TACC2: variants seen among roughly 807,000 people sequenced by gnomAD.
The protein encoded by TACC2 is transforming acidic coiled-coil containing protein 2.
A neutral mutation model predicts 227.3 loss-of-function variants in TACC2; 137 were observed. That is an observed-to-expected ratio of 0.60 (90% CI 0.52 to 0.69). The LOEUF is 0.69. Among genes scored for constraint, TACC2 ranks in the 30% least tolerant of loss-of-function variants. TACC2 has a pLI of 0.00. For synonymous variants in TACC2, 1,523 were observed against 1,487.5 expected, an observed-to-expected ratio of 1.02 and a Z score of -0.55; for missense variants, 3,470 against 3,694.4, an observed-to-expected ratio of 0.94 and a Z score of 1.57.
At chr10:122,197,777 G>GC (rs1388493103) in intron 8 of TACC2, among the ~76,000 whole-genome samples, 3 of 152,204 alleles carry the variant, frequency 2.0e-5, no homozygotes, top group Non-Finnish European at 4.4e-5. Context: ...TCTGCTGAAA[G>GC]CCCCCCTAGC....
intron 5 of TACC2, among the ~76,000 whole-genome samples, chr10:122,099,953 G>A (rs115576575): frequency 6.6e-6 from 1 of 152,160 alleles, no homozygotes; most frequent in Admixed American, 6.5e-5. Flanking sequence ...CTCTCCTGGG[G>A]TGACACTTTT....
intron 5 of TACC2, among the ~76,000 whole-genome samples, chr10:122,100,583 C>G (rs1369152075): frequency 6.6e-6 from 1 of 152,006 alleles, no homozygotes; most frequent in African/African-American, 2.4e-5. Context: ...ACCACCACAC[C>G]TGACTAACTG....
intron 16 of TACC2, among the ~76,000 whole-genome samples, chr10:122,236,758 G>A (rs1004789719): frequency 6.8e-4 from 103 of 152,228 alleles, no homozygotes; most frequent in African/African-American, 2.5e-3. Flanking sequence ...TCCCATTAAC[G>A]TAACAGACTT....
intron 5 of TACC2, among the ~76,000 whole-genome samples, chr10:122,114,401 T>G (rs1408542604): frequency 6.6e-6 from 1 of 152,218 alleles, no homozygotes; most frequent in African/African-American, 2.4e-5. Context: ...TAAGCAGTGT[T>G]TTTAGGGTTG....
At chr10:122,118,764 T>A (rs570741380) in intron 5 of TACC2, among the ~76,000 whole-genome samples, 65 of 152,318 alleles carry the variant, frequency 4.3e-4, no homozygotes, top group African/African-American at 1.5e-3. Context: ...GTGGCATTTG[T>A]TGAGACTTCA....
At chr10:122,022,249 T>C in intron 2 of TACC2, 1 of 464,038 alleles carries the variant, frequency 2.2e-6, no homozygotes, top group Non-Finnish European at 3.8e-6. Context: ...TATTATTTAT[T>C]ATTATTTTTA....
intron 7 of TACC2, among the ~76,000 whole-genome samples, chr10:122,176,701 G>C (rs1419516367): frequency 6.6e-6 from 1 of 152,222 alleles, no homozygotes; most frequent in African/African-American, 2.4e-5. Flanking sequence ...CAGCAAGTCA[G>C]CAAATGTGGG....
intron 5 of TACC2, among the ~76,000 whole-genome samples, chr10:122,132,247 A>G (rs970410904): frequency 6.6e-6 from 1 of 152,014 alleles, no homozygotes; most frequent in East Asian, 2.0e-4. Context: ...GTTAAAACAC[A>G]TTGAAAACTT....
At chr10:122,020,164 T>G (rs1019314603) in intron 1 of TACC2, among the ~76,000 whole-genome samples, 3 of 152,224 alleles carry the variant, frequency 2.0e-5, no homozygotes, top group African/African-American at 7.2e-5. Flanking sequence ...ACCTGGAAGA[T>G]ACAAGGAAGT....
chr10:122,083,545 GGCTTGCCAAGTCCTGCCCTGGT>G lies in TACC2; in HGVS notation c.1048_1069del (p.Leu350GlnfsTer47). 6.2e-7 allele frequency: 1 copy of G among 1,613,180 alleles called. No individual in the cohort carries two copies. The highest frequency in any genetic ancestry group is 1.7e-5 in the Admixed American group (1 of 60,022). On this transcript the variant is annotated frameshift_variant, in exon 4 of 23. Coordinates refer to ENST00000369005, the MANE Select transcript of TACC2 (RefSeq NM_206862.4). LOFTEE classifies it high-confidence loss of function. ...TCTGCCGCACGCAGAGCTGCCCTGG[GGCTTGCCAAGTCCTGCCCTGGT>G]GCCAGAGGCTGGGGGCTCTGGGAAG... is the stretch of plus-strand genomic sequence containing the variant.
intron 6 of TACC2, among the ~76,000 whole-genome samples, chr10:122,140,361 G>A (rs72840836): frequency 0.064 from 9,757 of 152,228 alleles, 375 homozygotes; most frequent in South Asian, 0.12. Context: ...GAAATAGCAG[G>A]TTGAACTTAA....
At chr10:122,204,827 CA>C (rs565625713) in intron 8 of TACC2, among the ~76,000 whole-genome samples, 14,122 of 134,436 alleles carry the variant, frequency 0.11, 1,978 homozygotes, top group African/African-American at 0.33. Flanking sequence ...CCTGGCTCTT[CA>C]AAAAAAAAAA....
chr10:122,174,132 GT>G (rs1389187484), intron 7 of TACC2, among the ~76,000 whole-genome samples: 1 of 152,184 alleles, frequency 6.6e-6, no homozygotes, highest in Non-Finnish European at 1.5e-5. Context: ...TTTCCTCTTT[GT>G]TTTTCCACTG....
intron 1 of TACC2, among the ~76,000 whole-genome samples, chr10:122,014,906 A>G (rs1956385300): frequency 6.6e-6 from 1 of 152,214 alleles, no homozygotes; most frequent in Non-Finnish European, 1.5e-5. Flanking sequence ...GCCAACAACT[A>G]GAAAGCCATG....
intron 7 of TACC2, among the ~76,000 whole-genome samples, chr10:122,173,564 C>T (rs533525504): frequency 1.8e-4 from 28 of 152,332 alleles, no homozygotes; most frequent in Admixed American, 1.3e-3. Flanking sequence ...AGAAGTGACA[C>T]GAGACACAGA....
chr10:122,114,073 GAA>G (rs1324625646), intron 5 of TACC2, among the ~76,000 whole-genome samples: 1 of 152,240 alleles, frequency 6.6e-6, no homozygotes, highest in Non-Finnish European at 1.5e-5. Flanking sequence ...ATAGCGGGTT[GAA>G]ATACAGCTGA....
chr10:122,093,941 C>T (rs1044210506), intron 5 of TACC2, among the ~76,000 whole-genome samples: 4 of 152,172 alleles, frequency 2.6e-5, no homozygotes, highest in African/African-American at 7.2e-5. Context: ...AATCTGTAGA[C>T]GCAGAAACTG....
chr10:122,213,793 C>T (rs770107896), intron 9 of TACC2, among the ~76,000 whole-genome samples: 4 of 152,176 alleles, frequency 2.6e-5, no homozygotes, highest in East Asian at 3.9e-4. Flanking sequence ...CCACAGGCAG[C>T]GACGGCCACA....
chr10:122,130,782 C>G (rs908396871), intron 5 of TACC2, among the ~76,000 whole-genome samples: 3 of 152,136 alleles, frequency 2.0e-5, no homozygotes, highest in Admixed American at 2.0e-4. Flanking sequence ...TCATAAAGGT[C>G]GTTGTGAGGA....
Sources: gnomAD v4.1 joint callset for allele counts (sites outside exome capture counted in the v4.1 genomes callset) on GRCh38, gnomAD v4.1.1 for gene constraint, MANE v1.5 for transcripts, NCBI Gene and HGNC (gene_info 2026-07-23, HGNC 2026-07-21) for gene names.